Variants in FRMD4A observed in about 807,000 individuals in gnomAD.
The protein encoded by FRMD4A is FERM domain containing 4A, also known as FERM domain-containing protein 4A.
Under a neutral mutation model 129.1 loss-of-function variants are expected in FRMD4A, and 29 were observed. That is an observed-to-expected ratio of 0.22 (90% CI 0.17 to 0.31). The LOEUF is 0.31. FRMD4A is among the 10% of genes least tolerant of loss of function. The pLI is 1.00. For missense variants in FRMD4A, 1,272 were observed against 1,375.8 expected (o/e 0.92, Z 1.19); for synonymous variants, 634 against 571.6 (o/e 1.11, Z -1.56).
intron 3 of FRMD4A, among the ~76,000 whole-genome samples, chr10:13,850,186 G>C (rs1481011011): frequency 6.6e-6 from 1 of 151,980 alleles, no homozygotes; most frequent in Non-Finnish European, 1.5e-5. Flanking sequence ...CCCAGCCTGG[G>C]TGACAGAGTG....
intron 2 of FRMD4A, among the ~76,000 whole-genome samples, chr10:13,883,944 T>C (rs879566463): frequency 6.6e-6 from 1 of 152,190 alleles, no homozygotes; most frequent in Non-Finnish European, 1.5e-5. Flanking sequence ...AGAAGACAGA[T>C]GATCTCTCGT....
intron 2 of FRMD4A, among the ~76,000 whole-genome samples, chr10:14,200,260 A>AG (rs1842596859): frequency 6.6e-6 from 1 of 150,552 alleles, no homozygotes; most frequent in South Asian, 2.1e-4. Flanking sequence ...GGATGGACTC[A>AG]GGGTTGGAAG....
At chr10:13,933,467 G>T (rs10906543) in intron 2 of FRMD4A, among the ~76,000 whole-genome samples, 23,579 of 152,064 alleles carry the variant, frequency 0.16, 2,258 homozygotes, top group Middle Eastern at 0.23. Context: ...TTCCTTGCTT[G>T]TTTATGCGTT....
chr10:14,239,636 C>CA (rs1260420385), intron 2 of FRMD4A, among the ~76,000 whole-genome samples: 1 of 145,962 alleles, frequency 6.9e-6, no homozygotes, highest in Non-Finnish European at 1.6e-5. Context: ...CAAGAAAAAA[C>CA]AAACAAACAA....
At chr10:13,705,036 T>C (rs1439649868) in intron 13 of FRMD4A, among the ~76,000 whole-genome samples, 1 of 152,208 alleles carries the variant, frequency 6.6e-6, no homozygotes, top group Non-Finnish European at 1.5e-5. Context: ...ATTGCACCAC[T>C]GCATTCCAGC....
At chr10:13,869,712 A>G (rs1318934320) in intron 2 of FRMD4A, among the ~76,000 whole-genome samples, 1 of 152,156 alleles carries the variant, frequency 6.6e-6, no homozygotes, top group East Asian at 1.9e-4. Context: ...GGACCCCTAA[A>G]ATTTGGAGGA....
chr10:13,994,759 TG>T (rs1241164098), intron 2 of FRMD4A, among the ~76,000 whole-genome samples: 2 of 152,234 alleles, frequency 1.3e-5, no homozygotes, highest in Non-Finnish European at 2.9e-5. Context: ...CATTTTCTTT[TG>T]TAAAGTTAGA....
chr10:14,307,780 A>G (rs761570069), intron 2 of FRMD4A, among the ~76,000 whole-genome samples: 18 of 152,196 alleles, frequency 1.2e-4, no homozygotes, highest in Non-Finnish European at 1.5e-4. Context: ...AGCTCCACGA[A>G]CGATAAGGGA....
intron 2 of FRMD4A, among the ~76,000 whole-genome samples, chr10:14,305,493 T>A (rs1846319137): frequency 6.6e-6 from 1 of 152,190 alleles, no homozygotes; most frequent in African/African-American, 2.4e-5. Context: ...CAAGGAAACA[T>A]CCCTGAAGAG....
intron 2 of FRMD4A, among the ~76,000 whole-genome samples, chr10:14,167,117 G>A (rs978688426): frequency 3.3e-5 from 5 of 152,186 alleles, no homozygotes; most frequent in Non-Finnish European, 7.3e-5. Context: ...CTCAAAAAAA[G>A]AGAAGTATTT....
At chr10:14,052,033 T>A (rs1834285048) in intron 2 of FRMD4A, among the ~76,000 whole-genome samples, 1 of 152,128 alleles carries the variant, frequency 6.6e-6, no homozygotes, top group Non-Finnish European at 1.5e-5. Context: ...GGTATTCTTG[T>A]AAGAGGAGAC....
chr10:13,819,782 C>T (rs2093602511), intron 3 of FRMD4A, among the ~76,000 whole-genome samples: 1 of 149,820 alleles, frequency 6.7e-6, no homozygotes, highest in South Asian at 2.1e-4. Flanking sequence ...AGTGCAGTGG[C>T]ATGATCTCAG....
rs1258241529 is a variant in FRMD4A, at chr10:13,750,121, A to AAATG, written c.465-2303_465-2302insCATT. On this transcript the variant is annotated intron_variant, in intron 8 of 24. Coordinates refer to ENST00000357447, the MANE Select transcript of FRMD4A (RefSeq NM_018027.5). ...GAAAGAAAGAAATGAAGAAAGAAAG[A>AAATG]AAGAAAGAAAGAAAGAAAGAAAGAA... 2.1e-3 allele frequency among the ~76,000 whole-genome samples: 281 copies of AAATG among 131,420 alleles called. 1 individual carries two copies. The highest frequency in any genetic ancestry group is 1.7e-3 in the African/African-American group (63 of 37,446). 86.2% of individuals were successfully genotyped at this position (131,420 alleles called of 152,430 possible).
chr10:14,049,268 A>T (rs1291244548), intron 2 of FRMD4A, among the ~76,000 whole-genome samples: 2 of 152,236 alleles, frequency 1.3e-5, no homozygotes, highest in East Asian at 3.8e-4. Flanking sequence ...TTACATATGC[A>T]CAGTGGGGAT....
chr10:13,972,782 G>A (rs2095525529), intron 2 of FRMD4A, among the ~76,000 whole-genome samples: 3 of 152,070 alleles, frequency 2.0e-5, no homozygotes, highest in Non-Finnish European at 4.4e-5. Context: ...GAAGGGGGAG[G>A]GGAGAATGCA....
intron 6 of FRMD4A, among the ~76,000 whole-genome samples, chr10:13,781,371 T>C (rs2092730231): frequency 8.4e-6 from 1 of 118,526 alleles, no homozygotes; most frequent in Admixed American, 8.1e-5. Flanking sequence ...GATGAACCTT[T>C]TTTTTTTTTT....
intron 15 of FRMD4A, among the ~76,000 whole-genome samples, chr10:13,689,000 G>T (rs12241182): frequency 0.36 from 54,539 of 151,608 alleles, 10,457 homozygotes; most frequent in Middle Eastern, 0.46. Flanking sequence ...ATTGCACCTG[G>T]CCTGGCTTCT....
chr10:13,685,110 C>A, intron 15 of FRMD4A: 1 of 984,642 alleles, frequency 1.0e-6, no homozygotes. Context: ...AACGTGTCAT[C>A]TCTGGGGACT....
chr10:14,286,481 T>G (rs1248007613), intron 2 of FRMD4A, among the ~76,000 whole-genome samples: 2 of 152,124 alleles, frequency 1.3e-5, no homozygotes, highest in Non-Finnish European at 2.9e-5. Flanking sequence ...AGTAGTGGCT[T>G]GAGAAACAAT....
Sources: allele counts gnomAD v4.1 joint callset (sites outside exome capture counted in the v4.1 genomes callset), GRCh38; gene constraint gnomAD v4.1.1; transcripts MANE v1.5; gene names NCBI Gene and HGNC (gene_info 2026-07-23, HGNC 2026-07-21).